Variants in GSG1L observed in about 807,000 individuals in gnomAD.
GSG1L encodes the protein GSG1 like.
In GSG1L, 24 loss-of-function variants were observed where a neutral mutation model predicts 42.1. That is an observed-to-expected ratio of 0.57 (90% CI 0.41 to 0.80). GSG1L has a LOEUF of 0.80. Among genes scored for constraint, GSG1L ranks in the 30% least tolerant of loss-of-function variants. The pLI is 0.00. For synonymous variants in GSG1L, 215 were observed against 203.5 expected, an observed-to-expected ratio of 1.06 and a Z score of -0.48; for missense variants, 445 against 472.2, an observed-to-expected ratio of 0.94 and a Z score of 0.53.
At chr16:27,981,458 A>C (rs2085325908) in intron 1 of GSG1L, among the ~76,000 whole-genome samples, 1 of 152,166 alleles carries the variant, frequency 6.6e-6, no homozygotes, top group South Asian at 2.1e-4. Flanking sequence ...TCTTGTGTGA[A>C]GCTTCTCCTC....
In GSG1L at chr16:27,789,260, T is replaced by A. The variant is rs575977380; in HGVS notation, c.*2110A>T. On this transcript the variant is annotated 3_prime_UTR_variant, in exon 7 of 7. Transcript: ENST00000447459. ...GATGAAGAAATGGATAAAGAATAAA[T>A]GGATAATGCAGAAATGGATAATGGA... is the stretch of plus-strand genomic sequence containing the variant. 6.6e-6 allele frequency: 1 copy of A among 152,162 alleles called. No individual in the cohort carries two copies. Among genetic ancestry groups the A allele is most frequent in the African/African-American group, 2.4e-5 (1 of 41,490 alleles). The allele number at this position is 152,162 out of a possible 1,614,324, so 9.4% of individuals were successfully genotyped here.
chr16:27,811,707 G>C (rs1268179907), intron 5 of GSG1L, among the ~76,000 whole-genome samples: 2 of 152,202 alleles, frequency 1.3e-5, no homozygotes, highest in African/African-American at 2.4e-5. Flanking sequence ...GGCATGCAGT[G>C]GTGTGATCTT....
chr16:27,935,327 T>TG (rs60441182), intron 2 of GSG1L, among the ~76,000 whole-genome samples: 38 of 151,880 alleles, frequency 2.5e-4, no homozygotes, highest in African/African-American at 8.0e-4. Flanking sequence ...GATGGGGGAA[T>TG]GGGGGGCTTC....
rs1340478066 is a variant in GSG1L, at chr16:28,059,835, G to A, written c.349+3241C>T. 6.6e-6 allele frequency among the ~76,000 whole-genome samples: 1 copy of A among 152,186 alleles called. No individual in the cohort carries two copies. Among genetic ancestry groups the A allele is most frequent in the Non-Finnish European group, 1.5e-5 (1 of 68,048 alleles). On this transcript the variant is annotated intron_variant, in intron 1 of 6. Transcript: ENST00000447459. This position sits in a 1 kb window ranked among gnomAD's most constrained non-coding sequence, Gnocchi z 4.4. ...GCTCTTCTTGGAGCAAGGAGAAAAG[G>A]TTTCTTTGTGCAGGGTCTGGTGAAA...
chr16:27,910,604 C>T (rs1377743824), intron 2 of GSG1L, among the ~76,000 whole-genome samples: 1 of 152,204 alleles, frequency 6.6e-6, no homozygotes, highest in Non-Finnish European at 1.5e-5. Context: ...GGATGATGAA[C>T]TGCATGGTTC....
At chr16:27,887,907 C>A (rs1291585762) in intron 2 of GSG1L, among the ~76,000 whole-genome samples, 1 of 152,174 alleles carries the variant, frequency 6.6e-6, no homozygotes, top group East Asian at 1.9e-4. Context: ...TGTTAAAACA[C>A]CCCCTGGCAC....
chr16:27,811,530 A>T (rs2083030770), intron 5 of GSG1L, among the ~76,000 whole-genome samples: 1 of 152,234 alleles, frequency 6.6e-6, no homozygotes, highest in Non-Finnish European at 1.5e-5. Context: ...CAGCACCTCT[A>T]GGTCAACAGA....
chr16:27,821,233 G>A (rs900800286), intron 5 of GSG1L, among the ~76,000 whole-genome samples: 1 of 152,148 alleles, frequency 6.6e-6, no homozygotes, highest in African/African-American at 2.4e-5. Flanking sequence ...TGGGCCCAGT[G>A]TGGCCAGATC....
intron 5 of GSG1L, among the ~76,000 whole-genome samples, chr16:27,826,807 G>T (rs1315342227): frequency 6.6e-6 from 1 of 152,176 alleles, no homozygotes; most frequent in African/African-American, 2.4e-5. Flanking sequence ...GGTCCTCAAG[G>T]CTGAGAGTCA....
chr16:28,053,272 G>T (rs1346105189), intron 1 of GSG1L, among the ~76,000 whole-genome samples: 3 of 152,210 alleles, frequency 2.0e-5, no homozygotes, highest in Non-Finnish European at 2.9e-5. Context: ...GAGTGTGAAT[G>T]ACTAATAAAA....
chr16:27,817,604 C>T (rs1238074215), intron 5 of GSG1L, among the ~76,000 whole-genome samples: 1 of 152,116 alleles, frequency 6.6e-6, no homozygotes, highest in Non-Finnish European at 1.5e-5. Flanking sequence ...GATCCTCCAC[C>T]CACCTCGGCC....
intron 3 of GSG1L, among the ~76,000 whole-genome samples, chr16:27,858,247 A>G (rs2083604176): frequency 6.6e-6 from 1 of 152,230 alleles, no homozygotes; most frequent in Admixed American, 6.5e-5. Flanking sequence ...CCAGAGAGCC[A>G]AAATTGACAG....
chr16:28,002,582 T>C (rs1393825069), intron 1 of GSG1L, among the ~76,000 whole-genome samples: 1 of 151,900 alleles, frequency 6.6e-6, no homozygotes, highest in African/African-American at 2.4e-5. Flanking sequence ...ATTTGCAGTG[T>C]ACCACTGCAC....
intron 1 of GSG1L, among the ~76,000 whole-genome samples, chr16:27,985,634 G>A (rs1218984796): frequency 1.3e-5 from 2 of 151,642 alleles, no homozygotes; most frequent in Admixed American, 6.6e-5. Context: ...ACCTGAGGTC[G>A]GGAGTTCAAG....
intron 1 of GSG1L, among the ~76,000 whole-genome samples, chr16:28,044,622 G>GTT (rs2086142574): frequency 8.6e-6 from 1 of 116,630 alleles, no homozygotes. Flanking sequence ...GGCAACGAAT[G>GTT]CTTTTTTTTT....
chr16:27,791,274 A>T lies in GSG1L; in HGVS notation c.*96T>A. On this transcript the variant is annotated 3_prime_UTR_variant, in exon 7 of 7. Transcript: ENST00000447459. ...CGCAGGCTGACTGAGTTCACGGCACACAGGCCAGGGTTCTGGGGGCACCAC... is the reference window on the plus strand; with the variant it reads ...CGCAGGCTGACTGAGTTCACGGCACTCAGGCCAGGGTTCTGGGGGCACCAC... The T allele has an allele frequency of 3.9e-6, 3 of 777,626 alleles. No homozygotes were observed. Among genetic ancestry groups the T allele is most frequent in the Non-Finnish European group, 5.7e-6 (3 of 530,038 alleles). 48.2% of individuals were successfully genotyped at this position (777,626 alleles called of 1,614,324 possible). A position where few individuals can be genotyped will look rare whatever the true frequency, so the allele number is the denominator to read the frequency against.
chr16:27,791,446 T>A lies in GSG1L; in HGVS notation c.920A>T (p.Asp307Val), dbSNP rs770740263. 1.3e-6 allele frequency: 2 copies of A among 1,512,172 alleles called. No homozygotes were observed. Among genetic ancestry groups the A allele is most frequent in the South Asian group, 1.3e-5 (1 of 77,010 alleles). The allele number at this position is 1,512,172 out of a possible 1,614,324, so 93.7% of individuals were successfully genotyped here. A position where few individuals can be genotyped will look rare whatever the true frequency, so the allele number is the denominator to read the frequency against. ...YPARHQPHMA[D>V]SWPRSSAQEA... is the part of the protein sequence containing the mutation. ...CTGTGCGGAGCTCCGGGGCCAGGAA[T>A]CCGCCATGTGTGGCTGGTGTCCTGC... Residue 307 changes from aspartate to valine, a missense_variant, in exon 7 of 7, where the codon GAT (aspartate) becomes GTT (valine). Physicochemically the swap from Asp to Val is radical, Grantham distance 152 (BLOSUM62 -3). Around this residue, in one of 3 missense-constraint regions of GSG1L, gnomAD observed 140 missense variants for 120.6 expected, o/e 1.16. Coordinates refer to ENST00000447459, the MANE Select transcript of GSG1L (RefSeq NM_001109763.2).
chr16:27,846,860 G>A (rs1419610433), intron 3 of GSG1L, among the ~76,000 whole-genome samples: 1 of 151,870 alleles, frequency 6.6e-6, no homozygotes, highest in East Asian at 1.9e-4. Context: ...AGGAGGCTGA[G>A]GCAGGAAAAT....
chr16:27,906,738 C>G (rs184603087), intron 2 of GSG1L, among the ~76,000 whole-genome samples: 110 of 152,300 alleles, frequency 7.2e-4, no homozygotes, highest in African/African-American at 2.6e-3. Context: ...ATTCTGACAT[C>G]TTGTTTAATT....
Sources: gnomAD v4.1 joint callset for allele counts (sites outside exome capture counted in the v4.1 genomes callset) on GRCh38, gnomAD v4.1.1 for gene constraint, gnomAD v4.1.1 regional missense constraint, Gnocchi (gnomAD v3.1) non-coding constraint, MANE v1.5 for transcripts, NCBI Gene and HGNC (gene_info 2026-07-23, HGNC 2026-07-21) for gene names.